GFPT1: variants seen among roughly 807,000 people sequenced by gnomAD.
GFPT1 encodes the protein glutamine--fructose-6-phosphate transaminase 1.
In GFPT1, 40 loss-of-function variants were observed where a neutral mutation model predicts 92.0. That is an observed-to-expected ratio of 0.43 (90% CI 0.34 to 0.57). The LOEUF is 0.57. GFPT1 is among the 20% of genes least tolerant of loss of function. GFPT1 has a pLI of 0.02. For missense variants in GFPT1, 448 were observed against 869.1 expected (o/e 0.52, Z 6.09); for synonymous variants, 269 against 280.6 (o/e 0.96, Z 0.41).
At chr2:69,330,486 T>C (rs1173056339) in intron 15 of GFPT1, among the ~76,000 whole-genome samples, 1 of 151,236 alleles carries the variant, frequency 6.6e-6, no homozygotes, top group Non-Finnish European at 1.5e-5. Flanking sequence ...CTTGCACTGG[T>C]ATTGCTGGAT....
chr2:69,328,285 C>T lies in GFPT1; in HGVS notation c.1879G>A (p.Val627Met), dbSNP rs372725563. 4.3e-6 allele frequency: 7 copies of T among 1,613,736 alleles called. No individual in the cohort carries two copies. The highest frequency in any genetic ancestry group is 5.9e-6 in the Non-Finnish European group (7 of 1,179,808). ...YAKCQNALQQ[V>M]VARQGRPVVI... ...CCCCGACTTACCTGCCGAGCAACCA[C>T]TTGCTGAAGAGCATTCTGACACTTG... The change falls in exon 18 of 20, where the codon GTG becomes ATG. Residue 627 changes from valine (V) to methionine (M), a missense_variant. Physicochemically the swap from Val to Met is conservative, Grantham distance 21. Transcript: ENST00000357308.
intron 1 of GFPT1, among the ~76,000 whole-genome samples, chr2:69,383,785 C>T (rs180924406): frequency 3.3e-5 from 5 of 152,164 alleles, no homozygotes; most frequent in Admixed American, 6.5e-5. Context: ...GCCACTACGC[C>T]CGGCTAATTT....
At chr2:69,326,280 A>C in intron 19 of GFPT1, 47 bp from the exon 20 acceptor site, 6 of 1,283,788 alleles carry the variant, frequency 4.7e-6, no homozygotes, top group Non-Finnish European at 6.7e-6. Context: ...GATTATATAG[A>C]CTGGGGAAGG....
intron 2 of GFPT1, among the ~76,000 whole-genome samples, chr2:69,373,700 A>G (rs2104687602): frequency 6.6e-6 from 1 of 152,348 alleles, no homozygotes; most frequent in South Asian, 2.1e-4. Context: ...TAAAAATTAA[A>G]GTTATAGGAA....
intron 1 of GFPT1, among the ~76,000 whole-genome samples, chr2:69,386,646 GA>G (rs1192887265): frequency 6.6e-5 from 10 of 152,158 alleles, no homozygotes. Flanking sequence ...AAGATTTTTA[GA>G]AAAATGCAAG....
Position 69,371,242 on chromosome 2 carries a change from AT to A in GFPT1, c.116-1135del, listed in dbSNP as rs1383632814. The stretch of plus-strand genomic sequence containing the variant: ...AGGTGCACACCACAATGCGTGGCTA[AT>A]TTTTTTTTTTTTTTAAGTAGAGATG... On this transcript the variant is annotated intron_variant, in intron 2 of 19. Transcript: ENST00000357308. The A allele has an allele frequency of 4.2e-3, 575 of 137,466 alleles. 1 individual carries two copies. Among genetic ancestry groups the A allele is most frequent in the Middle Eastern group, 0.011 (3 of 272 alleles). The allele number at this position is 137,466 out of a possible 1,614,324, so 8.5% of individuals were successfully genotyped here.
chr2:69,330,940 G>C (rs944913012), intron 15 of GFPT1, among the ~76,000 whole-genome samples: 4 of 152,056 alleles, frequency 2.6e-5, no homozygotes, highest in South Asian at 4.1e-4. Context: ...CAAATGTAAC[G>C]CATTCAGTTC....
chr2:69,372,343 G>T (rs1013263403), intron 2 of GFPT1, among the ~76,000 whole-genome samples: 1 of 152,114 alleles, frequency 6.6e-6, no homozygotes, highest in African/African-American at 2.4e-5. Context: ...GCCAGGGCGG[G>T]TGGATCTCCT....
intron 7 of GFPT1, among the ~76,000 whole-genome samples, chr2:69,356,055 G>A (rs542801820): frequency 3.1e-5 from 4 of 128,560 alleles, no homozygotes; most frequent in South Asian, 2.6e-4. Context: ...GCAGTGGCAC[G>A]ATCTCGGCTC....
intron 11 of GFPT1, among the ~76,000 whole-genome samples, chr2:69,347,046 A>C (rs1298925825): frequency 6.6e-6 from 1 of 152,018 alleles, no homozygotes; most frequent in Non-Finnish European, 1.5e-5. Flanking sequence ...AGTCACTGAG[A>C]CTACAGGTAC....
chr2:69,354,950 G>A (rs1438788200), intron 7 of GFPT1, among the ~76,000 whole-genome samples: 1 of 152,158 alleles, frequency 6.6e-6, no homozygotes, highest in Non-Finnish European at 1.5e-5. Flanking sequence ...GTTGGAGTGA[G>A]CCAAGATCGC....
At chr2:69,352,182 G>C (rs1262053912) in intron 9 of GFPT1, among the ~76,000 whole-genome samples, 1 of 152,158 alleles carries the variant, frequency 6.6e-6, no homozygotes, top group Non-Finnish European at 1.5e-5. Flanking sequence ...AGAATCGCTT[G>C]AACCTGGGAG....
chr2:69,338,025 C>T lies in GFPT1; in HGVS notation c.1355G>A (p.Arg452His). Reference protein sequence around the residue: ...GETADTLMGLRYCKERGALTV... With the variant: ...GETADTLMGLHYCKERGALTV... ...TAAAGCTCCTCTCTCCTTACAGTAACGAAGACCCATCAAAGTATCTGCTGT... is the reference window on the plus strand; with the variant it reads ...TAAAGCTCCTCTCTCCTTACAGTAATGAAGACCCATCAAAGTATCTGCTGT... Residue 452 changes from arginine (R) to histidine (H), a missense_variant, in exon 15 of 20, where the codon CGT (arginine) becomes CAT (histidine). Coordinates refer to ENST00000357308, the MANE Select transcript of GFPT1 (RefSeq NM_001244710.2). 3 of 1,614,100 alleles carry T rather than the reference C, an allele frequency of 1.9e-6. No individual in the cohort carries two copies. Among genetic ancestry groups the T allele is most frequent in the Non-Finnish European group, 2.5e-6 (3 of 1,179,974 alleles).
rs969357404 is a variant in GFPT1 at position 69,325,871 on chromosome 2, T to G, written c.*318A>C. Reference sequence around the variant, plus strand: ...AAACAAGTACCAATTTTTAGAAACATATTGTCTTCTCAGATTGAAGTGGAG... The same window carrying G: ...AAACAAGTACCAATTTTTAGAAACAGATTGTCTTCTCAGATTGAAGTGGAG... On this transcript the variant is annotated 3_prime_UTR_variant, in exon 20 of 20. Coordinates refer to ENST00000357308, the MANE Select transcript of GFPT1 (RefSeq NM_001244710.2). 1 of 266,356 alleles carries G rather than the reference T, an allele frequency of 3.8e-6. No homozygotes were observed. The highest frequency in any genetic ancestry group is 6.2e-5 in the South Asian group (1 of 16,222). The allele number at this position is 266,356 out of a possible 1,614,324, so 16.5% of individuals were successfully genotyped here.
At chr2:69,337,768 T>C (rs1670836319) in intron 15 of GFPT1, 130 bp downstream of exon 15, 1 of 804,236 alleles carries the variant, frequency 1.2e-6, no homozygotes, top group African/African-American at 1.7e-5. Context: ...GTTCTATAAC[T>C]GCTAACAAAA....
chr2:69,356,269 C>G lies in GFPT1; in HGVS notation c.605+227G>C, dbSNP rs140602244. ...TCGACCTCCCAAAATGCTAGGATTA[C>G]AGGTGTGAGCCACAGCGCCCGGCCT... On this transcript the variant is annotated intron_variant, in intron 7 of 19. Transcript: ENST00000357308. Among the ~76,000 whole-genome samples, 651 of 152,268 alleles carry G rather than the reference C, an allele frequency of 4.3e-3. 2 individuals are homozygous for G. Among genetic ancestry groups the G allele is most frequent in the Non-Finnish European group, 7.6e-3 (519 of 68,030 alleles).
chr2:69,363,782 AC>A, intron 3 of GFPT1, 112 bp from the exon 4 acceptor site: 1 of 801,824 alleles, frequency 1.2e-6, no homozygotes, highest in Non-Finnish European at 2.1e-6. Context: ...ATATACAATC[AC>A]TGAAACTAAA....
chr2:69,376,809 T>C (rs1169518654), intron 1 of GFPT1, among the ~76,000 whole-genome samples: 1 of 152,194 alleles, frequency 6.6e-6, no homozygotes, highest in Non-Finnish European at 1.5e-5. Flanking sequence ...GTAAGCCGGA[T>C]GGTAAATGAT....
chr2:69,372,182 G>C (rs1251173872), intron 2 of GFPT1, among the ~76,000 whole-genome samples: 1 of 137,582 alleles, frequency 7.3e-6, no homozygotes, highest in Admixed American at 7.6e-5. Flanking sequence ...CCTTGTGACA[G>C]AGTGAGACTC....
Sources: gnomAD v4.1 joint callset for allele counts (sites outside exome capture counted in the v4.1 genomes callset) on GRCh38, gnomAD v4.1.1 for gene constraint, MANE v1.5 for transcripts, NCBI Gene and HGNC (gene_info 2026-07-23, HGNC 2026-07-21) for gene names.